CCL25: variants seen among roughly 807,000 people sequenced by gnomAD.
The protein encoded by CCL25 is C-C motif chemokine ligand 25, also known as C-C motif chemokine 25.
In CCL25, 14 loss-of-function variants were observed where a neutral mutation model predicts 19.9. The observed-to-expected ratio is 0.70, with a 90% CI of 0.47 to 1.10. The LOEUF is 1.10. Ranked by LOEUF, CCL25 falls within the 50% of genes least tolerant of loss-of-function variation. CCL25 has a pLI of 0.00. For missense variants in CCL25, 151 were observed against 181.2 expected, an observed-to-expected ratio of 0.83 and a Z score of 0.96; for synonymous variants, 68 against 73.2, an observed-to-expected ratio of 0.93 and a Z score of 0.36.
Position 8,061,502 on chromosome 19 carries a change from T to C in CCL25, c.446-716T>C, listed in dbSNP as rs79539985. 4.5e-4 allele frequency among the ~76,000 whole-genome samples: 68 copies of C among 152,266 alleles called. No individual in the cohort carries two copies. The East Asian group carries it at 0.011, about 24-fold the overall frequency. The stretch of plus-strand genomic sequence containing the variant: ...AGGAGTGAAGGATGATTAACTCCAT[T>C]GCCAACCTTCTTCCCCTTCCTGGAG... On this transcript the variant is annotated intron_variant, in intron 5 of 5. Transcript: ENST00000315626.
At chr19:8,053,301 GGAGAGTCCCCAGTTCCTTCTTC>G (rs2081246151) in intron 2 of CCL25, among the ~76,000 whole-genome samples, 179 bp downstream of exon 2, 1 of 152,138 alleles carries the variant, frequency 6.6e-6, no homozygotes, top group African/African-American at 2.4e-5. Flanking sequence ...TCGGGGAGAT[GGAGAGTCCCCAGTTCCTTCTTC>G]GAGAGCCCCA....
chr19:8,054,026 C>T (rs889581359), intron 2 of CCL25, among the ~76,000 whole-genome samples: 1 of 152,206 alleles, frequency 6.6e-6, no homozygotes, highest in African/African-American at 2.4e-5. Context: ...TCCTTCTTCC[C>T]CACTCCCTAC....
intron 2 of CCL25, 108 bp from the exon 3 acceptor site, chr19:8,056,044 G>A: frequency 1.4e-6 from 1 of 711,292 alleles, no homozygotes; most frequent in South Asian, 2.1e-5. Flanking sequence ...GGCCTGGAAG[G>A]GTTGTGGTAT....
In CCL25 at chr19:8,062,258, AG is replaced by A; in HGVS notation, c.*37del. The A allele has an allele frequency of 6.2e-7, 1 of 1,612,042 alleles. No homozygotes were observed. Among genetic ancestry groups the A allele is most frequent in the Non-Finnish European group, 8.5e-7 (1 of 1,179,426 alleles). On this transcript the variant is annotated 3_prime_UTR_variant, in exon 6 of 6. Coordinates refer to ENST00000315626, the MANE Select transcript of CCL25 (RefSeq NM_005624.4). ...CATTTCTGGGCTCCATCGGCACAGG[AG>A]GGGCCGGATCTTTCTCCGATAAAAC...
At position 8,052,931 on chromosome 19, in the gene CCL25, G is replaced by A. The variant is rs945294126; in HGVS notation, c.-50-69G>A. 6.7e-6 allele frequency: 4 copies of A among 600,406 alleles called. No homozygotes were observed. The South Asian group carries it at 9.2e-5, about 14-fold the overall frequency. 37.2% of individuals were successfully genotyped at this position (600,406 alleles called of 1,614,324 possible). On this transcript the variant is annotated intron_variant, in intron 1 of 5. Transcript: ENST00000315626. The stretch of plus-strand genomic sequence containing the variant: ...CTTGCCATATGCCTGGGGCTTAAGA[G>A]GGGGGATGTTCCCAGTACCCACTCC...
chr19:8,058,055 A>C (rs913755410), intron 5 of CCL25, 135 bp downstream of exon 5: 6 of 1,413,354 alleles, frequency 4.2e-6, no homozygotes, highest in Non-Finnish European at 3.7e-6. Flanking sequence ...TCAGTGCCGC[A>C]GATTCACAGG....
chr19:8,052,686 A>G, upstream of CCL25: 1 of 176,218 alleles, frequency 5.7e-6, no homozygotes, highest in African/African-American at 3.4e-5. Context: ...GAGGAGGAGG[A>G]AGGGAGGAGG....
upstream of CCL25, chr19:8,052,746 A>G (rs1168586078): frequency 2.7e-6 from 1 of 370,954 alleles, no homozygotes; most frequent in African/African-American, 2.1e-5. Context: ...AGTGAAGCTC[A>G]GCGTGTTGGT....
chr19:8,058,165 G>GC (rs1185648934), intron 5 of CCL25, among the ~76,000 whole-genome samples: 1 of 151,374 alleles, frequency 6.6e-6, no homozygotes, highest in African/African-American at 2.4e-5. Flanking sequence ...GAGCTCCAGG[G>GC]CCCCCCAAAG....
intron 2 of CCL25, among the ~76,000 whole-genome samples, chr19:8,054,658 A>C: frequency 6.7e-6 from 1 of 148,958 alleles, no homozygotes; most frequent in Non-Finnish European, 1.5e-5. Flanking sequence ...TTCTGGCATC[A>C]CCTCCTCCTC....
upstream of CCL25, among the ~76,000 whole-genome samples, chr19:8,052,540 A>G (rs372627039): frequency 6.6e-6 from 1 of 151,308 alleles, no homozygotes; most frequent in African/African-American, 2.4e-5. Context: ...ACAGGGGAAA[A>G]GGCCCTTTCT....
chr19:8,062,380 A>T lies in CCL25; in HGVS notation c.*155A>T. The stretch of plus-strand genomic sequence containing the variant: ...TTGGTCCTCCCTCTGCACCCCCACC[A>T]CCTCCTGCCCGTCTGGCAACTGGAA... On this transcript the variant is annotated 3_prime_UTR_variant, in exon 6 of 6. Transcript: ENST00000315626. The T allele has an allele frequency of 1.4e-6, 1 of 704,306 alleles. No individual in the cohort carries two copies. Among genetic ancestry groups the T allele is most frequent in the Non-Finnish European group, 2.4e-6 (1 of 415,612 alleles). The allele number at this position is 704,306 out of a possible 1,614,324, so 43.6% of individuals were successfully genotyped here.
intron 5 of CCL25, among the ~76,000 whole-genome samples, chr19:8,061,870 T>A (rs538315829): frequency 6.6e-5 from 10 of 150,770 alleles, no homozygotes; most frequent in East Asian, 1.9e-4. Flanking sequence ...ACAAAAATAC[T>A]AAAAATACAA....
At chr19:8,054,999 G>A (rs879488040) in intron 2 of CCL25, among the ~76,000 whole-genome samples, 66 of 150,484 alleles carry the variant, frequency 4.4e-4, no homozygotes, top group Admixed American at 1.2e-3. Context: ...GATTAAAAGC[G>A]CCCACTATCA....
intron 2 of CCL25, among the ~76,000 whole-genome samples, chr19:8,053,969 C>T (rs971233310): frequency 4.6e-5 from 7 of 152,174 alleles, no homozygotes; most frequent in African/African-American, 1.7e-4. Flanking sequence ...GGCCTCATGT[C>T]TGGCGGCGGC....
intron 5 of CCL25, among the ~76,000 whole-genome samples, chr19:8,059,150 TAA>T (rs1568336052): frequency 1.9e-4 from 3 of 15,820 alleles, no homozygotes; most frequent in East Asian, 5.0e-3. Context: ...ATATAATATA[TAA>T]TATATATAAT....
intron 5 of CCL25, among the ~76,000 whole-genome samples, chr19:8,060,592 C>T (rs1428512305): frequency 6.6e-6 from 1 of 152,082 alleles, no homozygotes; most frequent in Non-Finnish European, 1.5e-5. Flanking sequence ...AATTGTAGCT[C>T]ACTGCCTAAT....
intron 5 of CCL25, among the ~76,000 whole-genome samples, chr19:8,059,583 G>C (rs1246166125): frequency 6.6e-6 from 1 of 152,160 alleles, no homozygotes; most frequent in Non-Finnish European, 1.5e-5. Flanking sequence ...GATGCTGGTT[G>C]CAAGTAGCAA....
chr19:8,058,874 G>A (rs764486975), intron 5 of CCL25, among the ~76,000 whole-genome samples: 2 of 139,576 alleles, frequency 1.4e-5, no homozygotes, highest in Non-Finnish European at 3.0e-5. Context: ...TAGCCAGGAT[G>A]GTCTCGATCT....
Sources: gnomAD v4.1 joint callset for allele counts (sites outside exome capture counted in the v4.1 genomes callset) on GRCh38, gnomAD v4.1.1 for gene constraint, MANE v1.5 for transcripts, NCBI Gene and HGNC (gene_info 2026-07-23, HGNC 2026-07-21) for gene names.